PKD1L1: variants seen among roughly 807,000 people sequenced by gnomAD.
The protein encoded by PKD1L1 is polycystin-1-like protein 1.
In PKD1L1, 236 loss-of-function variants were observed where a neutral mutation model predicts 323.4. That is an observed-to-expected ratio of 0.73 (90% CI 0.66 to 0.81). The LOEUF is 0.81. PKD1L1 is among the 40% of genes least tolerant of loss of function. The probability of loss-of-function intolerance (pLI) is 0.00; values close to 1 mark genes in which losing one functional copy is unlikely to be tolerated. For synonymous variants in PKD1L1, 1,344 were observed against 1,335.0 expected (o/e 1.01, Z -0.15); for missense variants, 3,320 against 3,508.0 (o/e 0.95, Z 1.35).
At position 47,816,529 on chromosome 7, in the gene PKD1L1, T is replaced by C. The variant is rs17710771; in HGVS notation, c.6966-1072A>G. Among the ~76,000 whole-genome samples the C allele has an allele frequency of 4.8e-3, 736 of 152,270 alleles. 19 individuals are homozygous for C. The East Asian group carries it at 0.071, about 15-fold the overall frequency. On this transcript the variant is annotated intron_variant, in intron 46 of 56. Coordinates refer to ENST00000289672, the MANE Select transcript of PKD1L1 (RefSeq NM_138295.5). ...CACCTAACTCTAAAAAACTTTCTCA[T>C]ACATAGCTTCCCATGAAGAGTCACT...
chr7:47,862,276 G>A (rs1786048878), intron 26 of PKD1L1, among the ~76,000 whole-genome samples: 1 of 152,184 alleles, frequency 6.6e-6, no homozygotes, highest in Admixed American at 6.5e-5. Flanking sequence ...GGCATGACCA[G>A]GTGTGTTGCT....
chr7:47,840,455 G>A lies in PKD1L1; in HGVS notation c.5552+6C>T. On this transcript the variant is annotated splice_donor_region_variant and intron_variant, in intron 35 of 56. Coordinates refer to ENST00000289672, the MANE Select transcript of PKD1L1 (RefSeq NM_138295.5). The surrounding 1 kb of genome is among the most constrained non-coding windows in gnomAD (Gnocchi z 4.1). ...CCAAATCTAGCAGTGAAATATTTTGGAATACCTCAGGATAAAGGTGTGTCT... is the reference window on the plus strand; with the variant it reads ...CCAAATCTAGCAGTGAAATATTTTGAAATACCTCAGGATAAAGGTGTGTCT... 6.2e-7 allele frequency: 1 copy of A among 1,604,894 alleles called. No individual in the cohort carries two copies. Among genetic ancestry groups the A allele is most frequent in the Non-Finnish European group, 8.5e-7 (1 of 1,171,696 alleles).
chr7:47,775,536 A>C (rs2128720115), intron 56 of PKD1L1, among the ~76,000 whole-genome samples: 1 of 152,340 alleles, frequency 6.6e-6, no homozygotes, highest in Middle Eastern at 3.4e-3. Context: ...CAAATCACCC[A>C]TGAATCAAAG....
At chr7:47,907,279 T>C (rs17131928) in intron 9 of PKD1L1, among the ~76,000 whole-genome samples, 3,854 of 152,318 alleles carry the variant, frequency 0.025, 96 homozygotes, top group African/African-American at 0.064. Context: ...GGATCCTCCT[T>C]TCTCCTGTTT....
At chr7:47,776,318 TAGG>T (rs1786567676) in intron 56 of PKD1L1, among the ~76,000 whole-genome samples, 1 of 152,216 alleles carries the variant, frequency 6.6e-6, no homozygotes, top group Non-Finnish European at 1.5e-5. Flanking sequence ...AAATTTATTC[TAGG>T]AGGACAGCGT....
chr7:47,807,334 C>T (rs2128728089), intron 52 of PKD1L1, among the ~76,000 whole-genome samples: 1 of 152,250 alleles, frequency 6.6e-6, no homozygotes, highest in South Asian at 2.1e-4. Flanking sequence ...AAACGAGCCT[C>T]ATCCTGCCTG....
At position 47,855,187 on chromosome 7, in the gene PKD1L1, C is replaced by CGG; in HGVS notation, c.4667_4668dup (p.Val1557ProfsTer2). 1 of 1,614,156 alleles carries CGG rather than the reference C, an allele frequency of 6.2e-7. No homozygotes were observed. Among genetic ancestry groups the CGG allele is most frequent in the Non-Finnish European group, 8.5e-7 (1 of 1,180,018 alleles). ...TCCTCCTCCCCAAACTCGACCATCACGGGTTTCCTTAGCCATTGCCTGTTG... is the reference window on the plus strand; with the variant it reads ...TCCTCCTCCCCAAACTCGACCATCACGGGGGTTTCCTTAGCCATTGCCTGTTG... On this transcript the variant is annotated frameshift_variant, in exon 29 of 57. Transcript: ENST00000289672. LOFTEE classifies it high-confidence loss of function.
chr7:47,808,711 C>A (rs143718344), intron 51 of PKD1L1, among the ~76,000 whole-genome samples: 1 of 152,052 alleles, frequency 6.6e-6, no homozygotes, highest in African/African-American at 2.4e-5. Flanking sequence ...ATCTAAGCAT[C>A]GAAAAGATAC....
rs34162840 is a variant in PKD1L1, at chr7:47,822,953, C to CTT, written c.6855-1769_6855-1768dup. 1.4e-3 allele frequency among the ~76,000 whole-genome samples: 200 copies of CTT among 146,950 alleles called. 1 individual carries two copies. The highest frequency in any genetic ancestry group is 4.5e-3 in the African/African-American group (183 of 40,336). On this transcript the variant is annotated intron_variant, in intron 45 of 56. Coordinates refer to ENST00000289672, the MANE Select transcript of PKD1L1 (RefSeq NM_138295.5). Reference sequence around the variant, plus strand: ...AAATTCACTTATTAGTTCCAGAACCCTTTTTTTTTTTGTAAATTATTTGGG... The same window carrying CTT: ...AAATTCACTTATTAGTTCCAGAACCCTTTTTTTTTTTTTGTAAATTATTTGGG...
In PKD1L1 at chr7:47,833,118, T is replaced by A; in HGVS notation, c.6309A>T (p.Lys2103Asn). Residue 2103 changes from lysine (K) to asparagine (N), a missense_variant, in exon 41 of 57, where the codon AAA becomes AAT. Lys to Asn is a moderately conservative substitution (Grantham distance 94, BLOSUM62 0). Transcript: ENST00000289672. ...GAGTGTGGGGAGGGCAGCAGTGGCTTTTCCCCATCAGAGAAGTCCTGCTGT... is the reference window on the plus strand; with the variant it reads ...GAGTGTGGGGAGGGCAGCAGTGGCTATTCCCCATCAGAGAAGTCCTGCTGT... ...ADHSRTSLMG[K>N]SHCCPPHTQA... The A allele has an allele frequency of 6.2e-7, 1 of 1,612,010 alleles. No individual in the cohort carries two copies. Among genetic ancestry groups the A allele is most frequent in the African/African-American group, 1.3e-5 (1 of 74,998 alleles).
chr7:47,791,510 G>A (rs1183088986), intron 56 of PKD1L1, among the ~76,000 whole-genome samples: 1 of 148,834 alleles, frequency 6.7e-6, no homozygotes, highest in African/African-American at 2.5e-5. Flanking sequence ...AGAACATCTC[G>A]GTTACAATTT....
At chr7:47,782,388 A>G (rs1373893217) in intron 56 of PKD1L1, among the ~76,000 whole-genome samples, 1 of 152,234 alleles carries the variant, frequency 6.6e-6, no homozygotes, top group Non-Finnish European at 1.5e-5. Context: ...GGCAAGCACA[A>G]ATCTCTGGAA....
chr7:47,835,798 T>A (rs1785445148), intron 37 of PKD1L1, among the ~76,000 whole-genome samples: 1 of 152,076 alleles, frequency 6.6e-6, no homozygotes, highest in Admixed American at 6.5e-5. Context: ...GCAGAAGGAA[T>A]CCAGCAAAGG....
chr7:47,952,704 T>C (rs1469028579), upstream of PKD1L1, among the ~76,000 whole-genome samples: 1 of 152,220 alleles, frequency 6.6e-6, no homozygotes, highest in Non-Finnish European at 1.5e-5. Context: ...AACATAGTTA[T>C]TGAAGTATCA....
Position 47,885,682 on chromosome 7 carries a change from T to C in PKD1L1, c.3205+4A>G. ...GGATGACATGCAGGAACAGTGGCACTTACCAGAGAGGTGAGGGTCAGGGCT... is the reference window on the plus strand; with the variant it reads ...GGATGACATGCAGGAACAGTGGCACCTACCAGAGAGGTGAGGGTCAGGGCT... On this transcript the variant is annotated splice_donor_region_variant and intron_variant, in intron 18 of 56. Coordinates refer to ENST00000289672, the MANE Select transcript of PKD1L1 (RefSeq NM_138295.5). 1.2e-6 allele frequency: 2 copies of C among 1,607,904 alleles called. No homozygotes were observed. The highest frequency in any genetic ancestry group is 1.7e-6 in the Non-Finnish European group (2 of 1,176,628).
intron 22 of PKD1L1, among the ~76,000 whole-genome samples, chr7:47,877,096 G>C (rs1318649136): frequency 1.3e-5 from 2 of 152,086 alleles, no homozygotes; most frequent in African/African-American, 4.8e-5. Flanking sequence ...GAAAGGGTGA[G>C]GGTAAGTCCG....
At chr7:47,830,776 C>T (rs746873930) in intron 42 of PKD1L1, among the ~76,000 whole-genome samples, 2 of 152,156 alleles carry the variant, frequency 1.3e-5, no homozygotes, top group African/African-American at 2.4e-5. Flanking sequence ...CAGAGAGGTA[C>T]CATGTGCCGG....
chr7:47,949,182 A>G (rs1206175252), upstream of PKD1L1, among the ~76,000 whole-genome samples: 3 of 151,942 alleles, frequency 2.0e-5, no homozygotes, highest in Non-Finnish European at 2.9e-5. Flanking sequence ...CAGCCTGGCC[A>G]GCATAGTGAA....
At chr7:47,821,590 G>A (rs970991949) in intron 45 of PKD1L1, among the ~76,000 whole-genome samples, 3 of 151,254 alleles carry the variant, frequency 2.0e-5, no homozygotes, top group African/African-American at 4.9e-5. Context: ...AATGAAACTC[G>A]GCTTTTAAAT....
Sources: allele counts gnomAD v4.1 joint callset (sites outside exome capture counted in the v4.1 genomes callset), GRCh38; gene constraint gnomAD v4.1.1; non-coding constraint Gnocchi (gnomAD v3.1); transcripts MANE v1.5; gene names NCBI Gene and HGNC (gene_info 2026-07-23, HGNC 2026-07-21).